Variants in SPOCK3 observed in about 807,000 individuals in gnomAD.
SPOCK3 encodes testican-3.
SPOCK3 carries 30 observed loss-of-function variants against 56.6 expected under a neutral mutation model. The observed-to-expected ratio is 0.53, with a 90% CI of 0.40 to 0.72. The LOEUF (loss-of-function observed/expected upper bound fraction) is 0.72. Ranked by LOEUF, SPOCK3 falls within the 30% of genes least tolerant of loss-of-function variation. The probability of loss-of-function intolerance (pLI) is 0.00; values close to 1 mark genes in which losing one functional copy is unlikely to be tolerated. For missense variants in SPOCK3, 527 were observed against 530.0 expected (o/e 0.99, Z 0.06); for synonymous variants, 196 against 183.3 (o/e 1.07, Z -0.56).
chr4:166,998,753 A>C (rs770263016), intron 4 of SPOCK3, among the ~76,000 whole-genome samples: 1 of 152,114 alleles, frequency 6.6e-6, no homozygotes, highest in Non-Finnish European at 1.5e-5. Context: ...CAGGGTCTCT[A>C]GAACTTGTGA....
rs112469719 is a variant in SPOCK3 at position 167,123,813 on chromosome 4, C to T, written c.190-61276G>A. ...GGCTGGAGTGCAATGGTGCTATCTC[C>T]ACTTGCTGCAACCTCCCACCCTCCC... On this transcript the variant is annotated intron_variant, in intron 2 of 10. Coordinates refer to ENST00000357545, the MANE Select transcript of SPOCK3 (RefSeq NM_001040159.2). Among the ~76,000 whole-genome samples the T allele has an allele frequency of 7.9e-3, 1,180 of 150,026 alleles. 17 individuals are homozygous for T. The highest frequency in any genetic ancestry group is 0.028 in the African/African-American group (1,128 of 40,676).
At chr4:167,075,031 TAAAC>T (rs997478755) in intron 2 of SPOCK3, among the ~76,000 whole-genome samples, 19 of 151,880 alleles carry the variant, frequency 1.3e-4, no homozygotes, top group African/African-American at 4.6e-4. Context: ...TATTTTGAAA[TAAAC>T]AATAAGTTAC....
At chr4:166,951,319 C>G (rs1342235107) in intron 4 of SPOCK3, among the ~76,000 whole-genome samples, 2 of 136,190 alleles carry the variant, frequency 1.5e-5, no homozygotes, top group Admixed American at 1.4e-4. Context: ...CGCAAAAAAA[C>G]TAGAAAATCT....
At chr4:166,783,040 GT>G (rs1162302845) in intron 7 of SPOCK3, among the ~76,000 whole-genome samples, 2 of 152,150 alleles carry the variant, frequency 1.3e-5, no homozygotes, top group African/African-American at 4.8e-5. Context: ...GTCTGTTTCT[GT>G]AAGTACATAT....
intron 4 of SPOCK3, among the ~76,000 whole-genome samples, chr4:166,945,545 C>T (rs1366928394): frequency 6.6e-6 from 1 of 152,110 alleles, no homozygotes; most frequent in African/African-American, 2.4e-5. Context: ...CACTGATTTC[C>T]TTCTTGTTCC....
In SPOCK3 at chr4:166,813,534, A is replaced by G. The variant is rs114807683; in HGVS notation, c.590-21245T>C. Among the ~76,000 whole-genome samples the G allele has an allele frequency of 5.4e-3, 824 of 151,484 alleles. 11 individuals carry two copies. The highest frequency in any genetic ancestry group is 0.019 in the African/African-American group (797 of 41,100). ...TGAGGAATTATTATCAGAAAAAGAA[A>G]TATCCAAAAATATAATTGGGAAAAA... On this transcript the variant is annotated intron_variant, in intron 6 of 10. Transcript: ENST00000357545.
chr4:166,903,448 A>G (rs1310217696), intron 5 of SPOCK3, among the ~76,000 whole-genome samples: 2 of 151,938 alleles, frequency 1.3e-5, no homozygotes, highest in African/African-American at 2.4e-5. Context: ...TTATTACCCC[A>G]TGCTACTGGA....
intron 6 of SPOCK3, among the ~76,000 whole-genome samples, chr4:166,841,576 T>C (rs1432544363): frequency 6.6e-6 from 1 of 152,252 alleles, no homozygotes. Context: ...TCTGTCACTT[T>C]TCACTAGTTC....
intron 2 of SPOCK3, among the ~76,000 whole-genome samples, chr4:167,204,301 T>C (rs1274292700): frequency 6.6e-6 from 1 of 152,064 alleles, no homozygotes; most frequent in Non-Finnish European, 1.5e-5. Context: ...CCTCCTGTAT[T>C]AGTCTGTTCT....
intron 2 of SPOCK3, among the ~76,000 whole-genome samples, chr4:167,110,314 T>A (rs2150345791): frequency 6.6e-6 from 1 of 152,188 alleles, no homozygotes; most frequent in Middle Eastern, 3.4e-3. Flanking sequence ...TTTTTCTCTA[T>A]TTCTCAGAGG....
At chr4:166,780,261 C>T (rs1579205424) in intron 7 of SPOCK3, among the ~76,000 whole-genome samples, 1 of 151,984 alleles carries the variant, frequency 6.6e-6, no homozygotes, top group Non-Finnish European at 1.5e-5. Context: ...ACCATGTAAG[C>T]TAATAAGAAA....
At chr4:166,999,494 C>A (rs1164155980) in intron 4 of SPOCK3, among the ~76,000 whole-genome samples, 1 of 152,102 alleles carries the variant, frequency 6.6e-6, no homozygotes, top group African/African-American at 2.4e-5. Flanking sequence ...TGCAAGTACA[C>A]TAAAGCCAAA....
chr4:166,785,339 T>G (rs541483061), intron 7 of SPOCK3, among the ~76,000 whole-genome samples: 9 of 152,228 alleles, frequency 5.9e-5, no homozygotes, highest in Non-Finnish European at 1.0e-4. Flanking sequence ...TAAACTCCAT[T>G]TTTTAAAGCT....
chr4:166,940,530 C>T (rs940403611), intron 4 of SPOCK3, among the ~76,000 whole-genome samples: 4 of 151,850 alleles, frequency 2.6e-5, no homozygotes, highest in Non-Finnish European at 4.4e-5. Context: ...AAGCTATCTT[C>T]GGTAGAGACT....
intron 2 of SPOCK3, 163 bp from the exon 3 acceptor site, chr4:167,062,700 GAAAC>G (rs762039250): frequency 1.7e-6 from 1 of 576,162 alleles, no homozygotes. Flanking sequence ...AAATAAAAAA[GAAAC>G]AAGAGAAAAA....
chr4:167,064,654 C>T (rs146575596), intron 2 of SPOCK3, among the ~76,000 whole-genome samples: 1,637 of 151,830 alleles, frequency 0.011, 14 homozygotes, highest in Non-Finnish European at 0.018. Flanking sequence ...GACATGCACA[C>T]GTGAGTGATG....
At chr4:166,766,371 T>G (rs1738055087) in intron 7 of SPOCK3, among the ~76,000 whole-genome samples, 1 of 152,170 alleles carries the variant, frequency 6.6e-6, no homozygotes, top group South Asian at 2.1e-4. Flanking sequence ...CATCAATACC[T>G]AATTTATTGA....
Position 166,800,932 on chromosome 4 carries a change from A to T in SPOCK3, c.590-8643T>A, listed in dbSNP as rs75607920. Among the ~76,000 whole-genome samples the T allele has an allele frequency of 4.1e-3, 622 of 152,220 alleles. 4 individuals are homozygous for T. The highest frequency in any genetic ancestry group is 0.014 in the African/African-American group (587 of 41,538). On this transcript the variant is annotated intron_variant, in intron 6 of 10. Transcript: ENST00000357545. ...TTCATTCATGGTAAACGTCCTATAT[A>T]CATGTATCATTTTTAATCTTTTATA...
intron 3 of SPOCK3, among the ~76,000 whole-genome samples, chr4:167,059,796 T>G (rs1172654630): frequency 2.0e-5 from 3 of 152,118 alleles, no homozygotes; most frequent in African/African-American, 7.2e-5. Context: ...ATGTGGCACA[T>G]ATACACCATG....
Sources: gnomAD v4.1 joint callset for allele counts (sites outside exome capture counted in the v4.1 genomes callset) on GRCh38, gnomAD v4.1.1 for gene constraint, MANE v1.5 for transcripts, NCBI Gene and HGNC (gene_info 2026-07-23, HGNC 2026-07-21) for gene names.